The following TMEM132B variants were observed in gnomAD, a reference collection of about 807,000 sequenced individuals.
TMEM132B encodes the protein transmembrane protein 132B.
In TMEM132B, 18 loss-of-function variants were observed where a neutral mutation model predicts 90.8. The observed-to-expected ratio is 0.20, with a 90% CI of 0.14 to 0.29. TMEM132B has a LOEUF of 0.29. Ranked by LOEUF, TMEM132B falls within the 10% of genes least tolerant of loss-of-function variation. The pLI is 1.00. For synonymous variants in TMEM132B, 504 were observed against 523.3 expected (o/e 0.96, Z 0.50); for missense variants, 1,096 against 1,326.8 (o/e 0.83, Z 2.70).
chr12:125,617,056 A>G (rs998843116), intron 5 of TMEM132B, among the ~76,000 whole-genome samples: 7 of 152,168 alleles, frequency 4.6e-5, no homozygotes, highest in Non-Finnish European at 8.8e-5. Context: ...CACCCAGTGT[A>G]TGGTATTTTG....
chr12:125,598,256 T>G (rs1885490598), intron 5 of TMEM132B, among the ~76,000 whole-genome samples: 1 of 152,174 alleles, frequency 6.6e-6, no homozygotes, highest in African/African-American at 2.4e-5. Flanking sequence ...TGGGATACAT[T>G]GAGGAAAGGA....
chr12:125,537,320 G>T (rs2136714220), intron 4 of TMEM132B, among the ~76,000 whole-genome samples: 1 of 152,290 alleles, frequency 6.6e-6, no homozygotes, highest in Admixed American at 6.5e-5. Flanking sequence ...ACTGCAATAG[G>T]ATAAATTTCC....
At chr12:125,518,425 G>A (rs1883222875) in intron 3 of TMEM132B, among the ~76,000 whole-genome samples, 1 of 152,206 alleles carries the variant, frequency 6.6e-6, no homozygotes, top group South Asian at 2.1e-4. Context: ...AGGCTCATTG[G>A]CAGAGAAGGA....
At position 125,407,721 on chromosome 12, in the gene TMEM132B, C is replaced by G. The variant is rs1185727132; in HGVS notation, c.960-7810C>G. Among the ~76,000 whole-genome samples, 1 of 152,136 alleles carries G rather than the reference C, an allele frequency of 6.6e-6. No homozygotes were observed. The highest frequency in any genetic ancestry group is 6.5e-5 in the Admixed American group (1 of 15,278). ...TTGTCGCTCAGAACCAAAGGGACCG[C>G]GGACACCTGGTGGAGGTCTGGGGGA... On this transcript the variant is annotated intron_variant, in intron 2 of 8. Transcript: ENST00000682704. The surrounding 1 kb of genome is among the most constrained non-coding windows in gnomAD (Gnocchi z 6.7).
At chr12:125,229,933 TC>T (rs1317108206) in intron 1 of TMEM132B, among the ~76,000 whole-genome samples, 5 of 152,250 alleles carry the variant, frequency 3.3e-5, no homozygotes, top group Non-Finnish European at 7.3e-5. Context: ...ATGTGCCCAT[TC>T]CAGAACCACT....
At chr12:125,646,789 A>G (rs1368351718) in intron 6 of TMEM132B, among the ~76,000 whole-genome samples, 2 of 152,258 alleles carry the variant, frequency 1.3e-5, no homozygotes, top group Non-Finnish European at 2.9e-5. Flanking sequence ...AACGTCCAGA[A>G]TATAACTGAA....
chr12:125,309,668 T>C (rs1876076203), intron 1 of TMEM132B, among the ~76,000 whole-genome samples: 1 of 152,192 alleles, frequency 6.6e-6, no homozygotes, highest in African/African-American at 2.4e-5. Flanking sequence ...CTTGGCAAAG[T>C]CTGTCCTCTG....
intron 3 of TMEM132B, among the ~76,000 whole-genome samples, chr12:125,477,734 C>A (rs888739662): frequency 2.0e-5 from 3 of 152,158 alleles, no homozygotes; most frequent in Non-Finnish European, 4.4e-5. Flanking sequence ...CTGAAGAGAG[C>A]AGTGGTTCTC....
chr12:125,317,565 C>T (rs1234156143), intron 1 of TMEM132B, among the ~76,000 whole-genome samples: 1 of 152,086 alleles, frequency 6.6e-6, no homozygotes, highest in African/African-American at 2.4e-5. Context: ...GGGACATCAT[C>T]AAAGGATAGT....
At chr12:125,485,454 C>T (rs552946115) in intron 3 of TMEM132B, among the ~76,000 whole-genome samples, 1 of 152,238 alleles carries the variant, frequency 6.6e-6, no homozygotes, top group East Asian at 1.9e-4. Context: ...GAAATATTAG[C>T]ACACTGTCAT....
chr12:125,211,409 G>A (rs974096421), intron 1 of TMEM132B, among the ~76,000 whole-genome samples: 13 of 152,154 alleles, frequency 8.5e-5, no homozygotes, highest in Non-Finnish European at 5.9e-5. Context: ...CCTCTTCCTT[G>A]CTACCTCCCC....
In TMEM132B at chr12:125,316,388, G is replaced by A. The variant is rs538548644; in HGVS notation, c.68-33064G>A. 2.6e-5 allele frequency among the ~76,000 whole-genome samples: 4 copies of A among 151,994 alleles called. 1 individual carries two copies. Among genetic ancestry groups the A allele is most frequent in the South Asian group, 4.2e-4 (2 of 4,816 alleles). On this transcript the variant is annotated intron_variant, in intron 1 of 8. Transcript: ENST00000682704. ...CCCTGATTCTAAGCAGCATCTCTTC[G>A]CACTCTTTCTCTTTCTCTATGTCAG...
intron 3 of TMEM132B, among the ~76,000 whole-genome samples, chr12:125,454,617 C>A (rs1288311156): frequency 1.3e-5 from 2 of 152,168 alleles, no homozygotes; most frequent in Admixed American, 1.3e-4. Flanking sequence ...TTTCTGTCAT[C>A]CAGAAATCTG....
At chr12:125,515,657 TCACA>T (rs990235195) in intron 3 of TMEM132B, among the ~76,000 whole-genome samples, 1 of 149,438 alleles carries the variant, frequency 6.7e-6, no homozygotes, top group Non-Finnish European at 1.5e-5. Flanking sequence ...CACACCCCCT[TCACA>T]CATTCTTTCT....
intron 4 of TMEM132B, among the ~76,000 whole-genome samples, chr12:125,537,841 G>A (rs1883849316): frequency 6.6e-6 from 1 of 152,118 alleles, no homozygotes; most frequent in Non-Finnish European, 1.5e-5. Context: ...TTGGCTGTGG[G>A]ACCTGGGGCA....
At chr12:125,214,828 A>G (rs1873398477) in intron 1 of TMEM132B, among the ~76,000 whole-genome samples, 2 of 152,204 alleles carry the variant, frequency 1.3e-5, no homozygotes, top group African/African-American at 2.4e-5. Flanking sequence ...TTCAACTTCC[A>G]GATGGATTTG....
intron 5 of TMEM132B, among the ~76,000 whole-genome samples, chr12:125,634,691 G>A (rs558922054): frequency 6.6e-6 from 1 of 152,268 alleles, no homozygotes; most frequent in African/African-American, 2.4e-5. Flanking sequence ...GTTCCCTTCT[G>A]GCCCAGGGTA....
At chr12:125,224,031 C>G (rs1254683784) in intron 1 of TMEM132B, among the ~76,000 whole-genome samples, 1 of 152,224 alleles carries the variant, frequency 6.6e-6, no homozygotes, top group Admixed American at 6.5e-5. Context: ...CCTGCCTCAG[C>G]CTCCCAAAGT....
intron 1 of TMEM132B, among the ~76,000 whole-genome samples, chr12:125,199,914 C>T (rs188119690): frequency 3.5e-4 from 54 of 152,274 alleles, no homozygotes; most frequent in Non-Finnish European, 6.5e-4. Flanking sequence ...AAGACTGAGT[C>T]ACATGGCTAC....
Sources: allele counts gnomAD v4.1 joint callset (sites outside exome capture counted in the v4.1 genomes callset), GRCh38; gene constraint gnomAD v4.1.1; non-coding constraint Gnocchi (gnomAD v3.1); transcripts MANE v1.5; gene names NCBI Gene and HGNC (gene_info 2026-07-23, HGNC 2026-07-21).